Variants in FRMD4B observed in about 807,000 individuals in gnomAD.
FRMD4B encodes the protein FERM domain-containing protein 4B.
FRMD4B carries 74 observed loss-of-function variants against 141.5 expected under a neutral mutation model. The observed-to-expected ratio is 0.52, with a 90% CI of 0.43 to 0.63. FRMD4B has a LOEUF of 0.63. Among genes scored for constraint, FRMD4B ranks in the 30% least tolerant of loss-of-function variants. The pLI, the probability that FRMD4B is intolerant of heterozygous loss-of-function variation, is 0.00. For synonymous variants in FRMD4B, 506 were observed against 467.9 expected (o/e 1.08, Z -1.05); for missense variants, 1,366 against 1,253.4 (o/e 1.09, Z -1.36).
intron 1 of FRMD4B, among the ~76,000 whole-genome samples, chr3:69,493,414 C>G (rs1481320062): frequency 6.6e-6 from 1 of 152,152 alleles, no homozygotes. Flanking sequence ...CATCTCCTGC[C>G]TTAATCATTT....
intron 1 of FRMD4B, among the ~76,000 whole-genome samples, chr3:69,343,736 T>C (rs535197028): frequency 2.2e-4 from 34 of 151,916 alleles, no homozygotes; most frequent in Middle Eastern, 3.4e-3. Context: ...TGTGCCACCA[T>C]ACCTGGCTAA....
Position 69,176,653 on chromosome 3 carries a change from G to A in FRMD4B, c.2855C>T (p.Ser952Phe). Residue 952 changes from serine to phenylalanine, a missense_variant, in exon 22 of 23, where the codon TCT becomes TTT. Ser to Phe is a radical substitution (Grantham distance 155, BLOSUM62 -2). Transcript: ENST00000398540. ...SSRASSYSSVSSTNASGNWRT... is the reference protein window; with the variant it reads ...SSRASSYSSVFSTNASGNWRT... ...CCAGTTCCCAGAAGCATTTGTAGAA[G>A]ACACTGGAAATAAAAATGGAAAAAG... is the stretch of plus-strand genomic sequence containing the variant. 1 of 1,594,820 alleles carries A rather than the reference G, an allele frequency of 6.3e-7. No homozygotes were observed.
intron 5 of FRMD4B, among the ~76,000 whole-genome samples, chr3:69,281,213 G>T (rs1008754254): frequency 2.6e-5 from 4 of 152,134 alleles, no homozygotes; most frequent in Admixed American, 6.5e-5. Context: ...GGGATTACAG[G>T]TGTGAGCCAC....
At chr3:69,484,644 C>G (rs1351722198) in intron 1 of FRMD4B, among the ~76,000 whole-genome samples, 1 of 151,954 alleles carries the variant, frequency 6.6e-6, no homozygotes, top group South Asian at 2.1e-4. Flanking sequence ...AGCTGGTGTT[C>G]CTGACTCTCT....
chr3:69,347,259 A>G (rs1702979076), intron 1 of FRMD4B, among the ~76,000 whole-genome samples: 1 of 152,220 alleles, frequency 6.6e-6, no homozygotes, highest in Non-Finnish European at 1.5e-5. Flanking sequence ...TGGTAAAGGG[A>G]TCAATTCAAC....
At chr3:69,209,095 G>T (rs1414306321) in intron 11 of FRMD4B, among the ~76,000 whole-genome samples, 2 of 149,376 alleles carry the variant, frequency 1.3e-5, no homozygotes, top group Non-Finnish European at 3.0e-5. Context: ...AGTGAGCCAA[G>T]ATCACGCCAC....
In FRMD4B at chr3:69,454,970, T is replaced by C. The variant is rs187190301; in HGVS notation, c.-128-22209A>G. 3.9e-4 allele frequency among the ~76,000 whole-genome samples: 59 copies of C among 152,336 alleles called. 1 individual carries two copies. In the East Asian group the frequency reaches 4.4e-3, roughly 11 times the overall value. On this transcript the variant is annotated intron_variant, in intron 1 of 5. Coordinates refer to the FRMD4B transcript ENST00000459638. ...CGCCCATCAGCATTCTGTGTCTAGC[T>C]TGGAGTTCGTGGGTACAACACTCAG... is the stretch of plus-strand genomic sequence containing the variant.
chr3:69,533,584 A>G (rs6790602), intron 1 of FRMD4B, among the ~76,000 whole-genome samples: 125,275 of 152,190 alleles, frequency 0.82, 52,305 homozygotes, highest in East Asian at 0.99. Flanking sequence ...TTGAAAAGGG[A>G]ACTTATTCTG....
chr3:69,491,742 C>T (rs1706303823), intron 1 of FRMD4B, among the ~76,000 whole-genome samples: 1 of 152,172 alleles, frequency 6.6e-6, no homozygotes, highest in African/African-American at 2.4e-5. Context: ...ACATCACATC[C>T]AAATAACTTG....
At chr3:69,366,284 C>G (rs374798523) in intron 1 of FRMD4B, among the ~76,000 whole-genome samples, 1 of 112,360 alleles carries the variant, frequency 8.9e-6, no homozygotes, top group African/African-American at 3.4e-5. Context: ...AAAACAAAAA[C>G]AAAAAAAATT....
chr3:69,268,524 T>C (rs2093578821), intron 5 of FRMD4B, among the ~76,000 whole-genome samples: 1 of 152,014 alleles, frequency 6.6e-6, no homozygotes, highest in African/African-American at 2.4e-5. Flanking sequence ...AAACGCACCC[T>C]GGCACCAATG....
chr3:69,171,645 G>A lies in FRMD4B; in HGVS notation c.*216C>T, dbSNP rs778638589. ...ACATGTGGGCAGACCCTACAGTTAC[G>A]TTAGTGCCTAGAGTTTGAAAGGCCA... On this transcript the variant is annotated 3_prime_UTR_variant, in exon 23 of 23. Coordinates refer to ENST00000398540, the MANE Select transcript of FRMD4B (RefSeq NM_015123.3). 30 of 500,660 alleles carry A rather than the reference G, an allele frequency of 6.0e-5. No homozygotes were observed. Among genetic ancestry groups the A allele is most frequent in the African/African-American group, 4.5e-4 (23 of 51,544 alleles). 31.0% of individuals were successfully genotyped at this position (500,660 alleles called of 1,614,324 possible).
At chr3:69,454,615 G>A (rs1028645047) in intron 1 of FRMD4B, among the ~76,000 whole-genome samples, 10 of 152,320 alleles carry the variant, frequency 6.6e-5, no homozygotes, top group African/African-American at 2.4e-4. Context: ...GGGTCCCCCA[G>A]CACTGCCGGC....
chr3:69,443,747 A>G (rs2106869482), intron 1 of FRMD4B, among the ~76,000 whole-genome samples: 1 of 152,352 alleles, frequency 6.6e-6, no homozygotes, highest in South Asian at 2.1e-4. Flanking sequence ...TTTGGTTTAT[A>G]GTTTAAGCTT....
At chr3:69,268,928 A>AT (rs766564016) in intron 5 of FRMD4B, among the ~76,000 whole-genome samples, 2,555 of 141,254 alleles carry the variant, frequency 0.018, 65 homozygotes, top group African/African-American at 0.049. Context: ...ATAGATGAGA[A>AT]TTTTTTTTTT....
At chr3:69,316,785 G>T (rs1701815762) in intron 1 of FRMD4B, among the ~76,000 whole-genome samples, 1 of 152,174 alleles carries the variant, frequency 6.6e-6, no homozygotes, top group South Asian at 2.1e-4. Context: ...AATATTTAAA[G>T]CTACTCTGTT....
chr3:69,464,752 T>C (rs943880956), intron 1 of FRMD4B, among the ~76,000 whole-genome samples: 10 of 152,220 alleles, frequency 6.6e-5, no homozygotes, highest in African/African-American at 2.4e-4. Context: ...GTCAATAAAT[T>C]AGTCTTCAGA....
At chr3:69,209,503 A>T (rs2107700524) in intron 11 of FRMD4B, among the ~76,000 whole-genome samples, 1 of 152,336 alleles carries the variant, frequency 6.6e-6, no homozygotes, top group African/African-American at 2.4e-5. Flanking sequence ...TGAGGTGGAC[A>T]GCAGACAAGA....
At chr3:69,308,562 C>A (rs114428475) in intron 3 of FRMD4B, among the ~76,000 whole-genome samples, 3 of 151,712 alleles carry the variant, frequency 2.0e-5, no homozygotes, top group Non-Finnish European at 2.9e-5. Flanking sequence ...CTAAGCCTCC[C>A]GAGGAGCTGG....
Sources: allele counts gnomAD v4.1 joint callset (sites outside exome capture counted in the v4.1 genomes callset), GRCh38; gene constraint gnomAD v4.1.1; transcripts MANE v1.5; gene names NCBI Gene and HGNC (gene_info 2026-07-23, HGNC 2026-07-21).